The following FAM227B variants were observed in gnomAD, a reference collection of about 807,000 sequenced individuals.
FAM227B encodes protein FAM227B.
In FAM227B, 88 loss-of-function variants were observed where a neutral mutation model predicts 73.8. That is an observed-to-expected ratio of 1.19 (90% CI 1.00 to 1.42). The LOEUF (loss-of-function observed/expected upper bound fraction) is 1.42. FAM227B is among the 40% of genes most tolerant of loss of function. FAM227B has a pLI of 0.00. For missense variants in FAM227B, 632 were observed against 590.9 expected (o/e 1.07, Z -0.72); for synonymous variants, 210 against 190.5 (o/e 1.10, Z -0.84).
intron 13 of FAM227B, chr15:49,365,395 A>T (rs2044966846): frequency 1.8e-6 from 2 of 1,128,844 alleles, no homozygotes; most frequent in Non-Finnish European, 1.3e-6. Flanking sequence ...ACGAAGAACC[A>T]GTCTAAACAT....
intron 11 of FAM227B, among the ~76,000 whole-genome samples, chr15:49,429,860 G>T (rs998391924): frequency 2.0e-5 from 3 of 151,860 alleles, no homozygotes; most frequent in African/African-American, 7.2e-5. Context: ...AGGTGGGAAG[G>T]ACCAGGCATT....
chr15:49,575,221 G>A (rs1486000896), intron 7 of FAM227B, 112 bp from the exon 8 acceptor site: 1 of 453,340 alleles, frequency 2.2e-6, no homozygotes, highest in Non-Finnish European at 3.9e-6. Context: ...GATCAGCACT[G>A]TCCAACAGAA....
intron 3 of FAM227B, among the ~76,000 whole-genome samples, chr15:49,598,223 T>C (rs1453566486): frequency 2.0e-5 from 3 of 152,088 alleles, no homozygotes; most frequent in Non-Finnish European, 4.4e-5. Context: ...TATTTTTTCA[T>C]GTTATTGTAA....
chr15:49,489,875 TATATATATAG>T (rs1167845933), intron 11 of FAM227B, among the ~76,000 whole-genome samples: 196 of 17,170 alleles, frequency 0.011, 30 homozygotes, highest in South Asian at 0.026. Flanking sequence ...TATATATATA[TATATATATAG>T]AGAGAGAGAG....
chr15:49,402,870 G>A (rs2048267938), intron 11 of FAM227B, among the ~76,000 whole-genome samples: 1 of 152,164 alleles, frequency 6.6e-6, no homozygotes, highest in South Asian at 2.1e-4. Context: ...TTTTCAATAG[G>A]AATGCTTCCA....
intron 14 of FAM227B, chr15:49,334,261 G>T: frequency 1.0e-6 from 1 of 983,826 alleles, no homozygotes; most frequent in South Asian, 4.7e-5. Context: ...TGTTTTAGAA[G>T]TTTTATTTCT....
rs1213418620 is a variant in FAM227B at position 49,589,837 on chromosome 15, T to A, written c.276A>T (p.Ser92=). The A allele has an allele frequency of 2.5e-6, 4 of 1,610,388 alleles. No homozygotes were observed. The highest frequency in any genetic ancestry group is 3.4e-6 in the Non-Finnish European group (4 of 1,176,702). ...CAGAGGTGTGGTTTTGCAAAATAAG[T>A]GAATATTCCTTTAATTTTGATTCCA... The part of the protein sequence containing the change: ...LIMESKLKEY[S]LILQNHTSEI... The change falls in exon 4 of 16, where the codon TCA becomes TCT. Residue 92 remains serine, a synonymous_variant. Coordinates refer to ENST00000299338, the MANE Select transcript of FAM227B (RefSeq NM_152647.3).
chr15:49,507,929 T>C (rs59059048), intron 11 of FAM227B, among the ~76,000 whole-genome samples: 49,347 of 151,890 alleles, frequency 0.32, 8,744 homozygotes, highest in African/African-American at 0.45. Flanking sequence ...AATTTATCTA[T>C]AGAGACAATA....
intron 11 of FAM227B, among the ~76,000 whole-genome samples, chr15:49,382,828 T>C (rs2046629882): frequency 6.6e-6 from 1 of 152,096 alleles, no homozygotes; most frequent in Admixed American, 6.6e-5. Flanking sequence ...TATGGGTAGC[T>C]GATAAAGGTT....
intron 11 of FAM227B, among the ~76,000 whole-genome samples, chr15:49,397,003 T>C (rs1169176526): frequency 1.3e-5 from 2 of 152,174 alleles, no homozygotes; most frequent in East Asian, 1.9e-4. Flanking sequence ...TGGAGAATGA[T>C]TTTGACGAGC....
At chr15:49,528,343 T>C (rs1046598523) in intron 10 of FAM227B, among the ~76,000 whole-genome samples, 2 of 151,536 alleles carry the variant, frequency 1.3e-5, no homozygotes, top group Non-Finnish European at 3.0e-5. Context: ...ATGCAAAAAT[T>C]AACCTAAGAT....
chr15:49,331,601 C>T, intron 15 of FAM227B, 179 bp downstream of exon 15: 1 of 547,098 alleles, frequency 1.8e-6, no homozygotes, highest in Non-Finnish European at 3.2e-6. Context: ...TGAGTTGTCA[C>T]TAAATATGTA....
At position 49,328,597 on chromosome 15, in the gene FAM227B, T is replaced by C; in HGVS notation, c.1498A>G (p.Asn500Asp). 1 of 1,595,766 alleles carries C rather than the reference T, an allele frequency of 6.3e-7. No individual in the cohort carries two copies. Among genetic ancestry groups the C allele is most frequent in the Non-Finnish European group, 8.6e-7 (1 of 1,168,064 alleles). The change falls in exon 16 of 16, where the codon AAC becomes GAC. Residue 500 changes from asparagine (N) to aspartate (D), a missense_variant. By Grantham distance (23) the Asn-to-Asp change is conservative (BLOSUM62 1). Coordinates refer to ENST00000299338, the MANE Select transcript of FAM227B (RefSeq NM_152647.3). ...TATTCTTCTTCCTCAAAGTTGTAGT[T>C]GTCTGTTGATGATGGTGATGATGAT... Reference protein sequence around the residue: ...SSSSSPSSTDNYNFEEEEY With the variant: ...SSSSSPSSTDDYNFEEEEY
intron 10 of FAM227B, among the ~76,000 whole-genome samples, chr15:49,515,059 C>A (rs1435506218): frequency 6.6e-6 from 1 of 152,052 alleles, no homozygotes; most frequent in Non-Finnish European, 1.5e-5. Context: ...TCAAATATTT[C>A]TTTTATAATA....
chr15:49,357,425 T>C (rs1236294017), intron 13 of FAM227B, among the ~76,000 whole-genome samples: 1 of 150,992 alleles, frequency 6.6e-6, no homozygotes, highest in East Asian at 1.9e-4. Flanking sequence ...CCCACAGAAA[T>C]ACAAACTACC....
chr15:49,532,369 A>G (rs2060675088), intron 10 of FAM227B, among the ~76,000 whole-genome samples: 1 of 151,888 alleles, frequency 6.6e-6, no homozygotes, highest in Admixed American at 6.6e-5. Flanking sequence ...ATTACTAAGC[A>G]ATAAATATGA....
At chr15:49,502,564 G>A (rs1309539225) in intron 11 of FAM227B, among the ~76,000 whole-genome samples, 4 of 152,166 alleles carry the variant, frequency 2.6e-5, no homozygotes, top group Admixed American at 1.3e-4. Context: ...TACTCCCATC[G>A]TATTTTGGAA....
At chr15:49,478,719 T>C (rs2055602130) in intron 11 of FAM227B, among the ~76,000 whole-genome samples, 1 of 152,104 alleles carries the variant, frequency 6.6e-6, no homozygotes, top group South Asian at 2.1e-4. Flanking sequence ...CATATTAATA[T>C]ATACCCCTTC....
At chr15:49,392,359 C>G (rs1438616025) in intron 11 of FAM227B, among the ~76,000 whole-genome samples, 2 of 152,088 alleles carry the variant, frequency 1.3e-5, no homozygotes, top group East Asian at 3.8e-4. Flanking sequence ...TGCCACTATA[C>G]TACAGTGGAA....
Sources: gnomAD v4.1 joint callset for allele counts (sites outside exome capture counted in the v4.1 genomes callset) on GRCh38, gnomAD v4.1.1 for gene constraint, MANE v1.5 for transcripts, NCBI Gene and HGNC (gene_info 2026-07-23, HGNC 2026-07-21) for gene names.